BMPER: variants seen among roughly 807,000 people sequenced by gnomAD.
The protein encoded by BMPER is BMP-binding endothelial regulator protein.
BMPER carries 45 observed loss-of-function variants against 87.3 expected under a neutral mutation model. The ratio of observed to expected loss-of-function variants is 0.52; its 90% CI spans 0.41 to 0.66. The LOEUF is 0.66. BMPER is among the 30% of genes least tolerant of loss of function. The pLI, the probability that BMPER is intolerant of heterozygous loss-of-function variation, is 0.00. For missense variants in BMPER, 784 were observed against 867.5 expected, an observed-to-expected ratio of 0.90 and a Z score of 1.21; for synonymous variants, 326 against 316.2, an observed-to-expected ratio of 1.03 and a Z score of -0.33.
intron 6 of BMPER, among the ~76,000 whole-genome samples, chr7:33,985,422 AC>A (rs1306568639): frequency 1.3e-5 from 2 of 152,254 alleles, no homozygotes. Context: ...TTAAAAATTA[AC>A]ATTTTCAGTT....
intron 6 of BMPER, among the ~76,000 whole-genome samples, chr7:34,014,560 T>TC (rs533505212): frequency 4.6e-4 from 70 of 152,006 alleles, no homozygotes; most frequent in African/African-American, 1.6e-3. Flanking sequence ...TGTTGAGTCT[T>TC]CTGGCCTTAC....
At chr7:34,123,212 A>AATAT (rs1201390304) in intron 13 of BMPER, among the ~76,000 whole-genome samples, 2 of 152,208 alleles carry the variant, frequency 1.3e-5, no homozygotes, top group African/African-American at 4.8e-5. Context: ...AGATGGTAGA[A>AATAT]GTACTAAAAT....
In BMPER at chr7:34,046,449, C is replaced by A. The variant is rs1349480772; in HGVS notation, c.676+44C>A. 7 of 1,574,118 alleles carry A rather than the reference C, an allele frequency of 4.4e-6. No homozygotes were observed. The Admixed American group carries it at 1.0e-4, about 23-fold the overall frequency. ...GTCAAAGAACAATGTAATTTCTTCT[C>A]AAAGTTTCTGCTGGGAGTGTTTATC... On this transcript the variant is annotated intron_variant, in intron 7 of 14. Transcript: ENST00000649409.
At chr7:34,108,591 G>A (rs192721471) in intron 13 of BMPER, among the ~76,000 whole-genome samples, 2 of 152,336 alleles carry the variant, frequency 1.3e-5, no homozygotes, top group Non-Finnish European at 2.9e-5. Flanking sequence ...GTTCTTACAA[G>A]TCCCTTTAGT....
chr7:34,004,256 T>A (rs1000814120), intron 6 of BMPER, among the ~76,000 whole-genome samples: 2 of 152,138 alleles, frequency 1.3e-5, no homozygotes, highest in Non-Finnish European at 2.9e-5. Flanking sequence ...TTTTTGATGC[T>A]TTTTTATTGG....
chr7:34,049,212 C>T (rs1788075325), intron 7 of BMPER, among the ~76,000 whole-genome samples: 1 of 152,158 alleles, frequency 6.6e-6, no homozygotes, highest in Admixed American at 6.5e-5. Context: ...TGACACAGCC[C>T]AGGTTCATAT....
intron 6 of BMPER, among the ~76,000 whole-genome samples, chr7:34,030,466 C>A (rs187586376): frequency 6.6e-6 from 1 of 152,024 alleles, no homozygotes; most frequent in Non-Finnish European, 1.5e-5. Flanking sequence ...TTTAAAAAGC[C>A]GTCAATGAAG....
intron 6 of BMPER, among the ~76,000 whole-genome samples, chr7:34,038,669 C>T (rs1234827092): frequency 2.0e-5 from 3 of 152,182 alleles, no homozygotes; most frequent in East Asian, 1.9e-4. Context: ...GTTCATAGTT[C>T]TCTTAATAGG....
At chr7:34,119,049 G>A (rs1420340) in intron 13 of BMPER, among the ~76,000 whole-genome samples, 121,298 of 150,236 alleles carry the variant, frequency 0.81, 49,168 homozygotes, top group East Asian at 0.95. Context: ...CACTCGATAC[G>A]ATGACACATA....
At chr7:34,004,255 CT>C (rs1189214884) in intron 6 of BMPER, among the ~76,000 whole-genome samples, 1 of 151,942 alleles carries the variant, frequency 6.6e-6, no homozygotes. Flanking sequence ...CTTTTTGATG[CT>C]TTTTTATTGG....
chr7:33,995,686 C>A (rs1365975140), intron 6 of BMPER, among the ~76,000 whole-genome samples: 2 of 152,122 alleles, frequency 1.3e-5, no homozygotes, highest in South Asian at 2.1e-4. Context: ...TTCCATGAGG[C>A]CTGTGCAGAT....
intron 3 of BMPER, among the ~76,000 whole-genome samples, chr7:33,941,223 T>C (rs1427455875): frequency 7.0e-6 from 1 of 143,296 alleles, no homozygotes; most frequent in East Asian, 2.0e-4. Context: ...AATTTTAATA[T>C]AAATATATAT....
intron 3 of BMPER, among the ~76,000 whole-genome samples, chr7:33,961,299 G>A (rs1013672700): frequency 6.6e-6 from 1 of 152,176 alleles, no homozygotes; most frequent in Non-Finnish European, 1.5e-5. Context: ...CTACATGTTA[G>A]ATTCCTCTTC....
Position 33,988,948 on chromosome 7 carries a change from T to C in BMPER, c.576+14164T>C, listed in dbSNP as rs1284321013. ...TGTCCCTACAAAGGACATGAACTCATCATTTTTTATGGCTGCATAGTATTC... is the reference window on the plus strand; with the variant it reads ...TGTCCCTACAAAGGACATGAACTCACCATTTTTTATGGCTGCATAGTATTC... On this transcript the variant is annotated intron_variant, in intron 6 of 14. Transcript: ENST00000649409. Among the ~76,000 whole-genome samples, 70 of 133,232 alleles carry C rather than the reference T, an allele frequency of 5.3e-4. 2 individuals carry two copies. In the South Asian group the frequency reaches 0.017, roughly 33 times the overall value. 87.4% of individuals were successfully genotyped at this position (133,232 alleles called of 152,430 possible).
intron 6 of BMPER, among the ~76,000 whole-genome samples, chr7:34,025,556 C>T (rs1787336748): frequency 6.6e-6 from 1 of 151,944 alleles, no homozygotes; most frequent in Non-Finnish European, 1.5e-5. Flanking sequence ...AGGATCTACC[C>T]TTTAGTCTGT....
intron 13 of BMPER, among the ~76,000 whole-genome samples, chr7:34,090,753 C>G (rs1789357604): frequency 6.6e-6 from 1 of 152,188 alleles, no homozygotes; most frequent in African/African-American, 2.4e-5. Context: ...TAGGGCAGGA[C>G]TGCATTTCAG....
At position 33,909,693 on chromosome 7, in the gene BMPER, A is replaced by AAAAAAAAAAAAAAG. The variant is rs10655768; in HGVS notation, c.219+2793_219+2794insAAAAAAAAAAGAAA. On this transcript the variant is annotated intron_variant, in intron 2 of 14. Coordinates refer to ENST00000649409, the MANE Select transcript of BMPER (RefSeq NM_001365308.1). ...TCATAACATGTACAAAAAAAAAAAA[A>AAAAAAAAAAAAAAG]AAAGAAAGAAAAAGCTAACGTCAAC... 1.6e-4 allele frequency among the ~76,000 whole-genome samples: 22 copies of AAAAAAAAAAAAAAG among 138,916 alleles called. 2 individuals are homozygous for AAAAAAAAAAAAAAG. The highest frequency in any genetic ancestry group is 2.2e-4 in the African/African-American group (8 of 37,162). 91.1% of individuals were successfully genotyped at this position (138,916 alleles called of 152,430 possible).
At chr7:33,994,625 T>G (rs1200852640) in intron 6 of BMPER, among the ~76,000 whole-genome samples, 2 of 152,236 alleles carry the variant, frequency 1.3e-5, no homozygotes, top group Non-Finnish European at 2.9e-5. Flanking sequence ...CTGTTCCTAT[T>G]CGGCCATCTT....
chr7:34,049,096 C>A (rs762106991), intron 7 of BMPER, among the ~76,000 whole-genome samples: 6 of 152,164 alleles, frequency 3.9e-5, no homozygotes, highest in Admixed American at 6.6e-5. Context: ...ACATGATATA[C>A]CTCTGCCTTT....
Sources: gnomAD v4.1 joint callset for allele counts (sites outside exome capture counted in the v4.1 genomes callset) on GRCh38, gnomAD v4.1.1 for gene constraint, MANE v1.5 for transcripts, NCBI Gene and HGNC (gene_info 2026-07-23, HGNC 2026-07-21) for gene names.